The following SGMS2 variants were observed in gnomAD, a reference collection of about 807,000 sequenced individuals.
The protein encoded by SGMS2 is sphingomyelin synthase 2.
Under a neutral mutation model 43.8 loss-of-function variants are expected in SGMS2, and 21 were observed. That is an observed-to-expected ratio of 0.48 (90% CI 0.34 to 0.69). SGMS2 has a LOEUF of 0.69. Among genes scored for constraint, SGMS2 ranks in the 30% least tolerant of loss-of-function variants. SGMS2 has a pLI of 0.01. For synonymous variants in SGMS2, 167 were observed against 160.6 expected, an observed-to-expected ratio of 1.04 and a Z score of -0.30; for missense variants, 384 against 443.2, an observed-to-expected ratio of 0.87 and a Z score of 1.20.
intron 4 of SGMS2, 77 bp from the exon 5 acceptor site, chr4:107,903,156 T>A (rs1186152102): frequency 7.0e-7 from 1 of 1,418,594 alleles, no homozygotes; most frequent in East Asian, 2.3e-5. Context: ...GTGTCCTTTC[T>A]AAGAGTCACA....
intron 4 of SGMS2, among the ~76,000 whole-genome samples, chr4:107,902,938 G>A (rs763139753): frequency 3.3e-5 from 5 of 151,998 alleles, no homozygotes; most frequent in African/African-American, 9.7e-5. Context: ...TTTTTAGCAC[G>A]TAGCTGTGGT....
At chr4:107,843,010 A>G (rs1005737873) in intron 1 of SGMS2, among the ~76,000 whole-genome samples, 4 of 152,168 alleles carry the variant, frequency 2.6e-5, no homozygotes. Flanking sequence ...TTTTTGCCCC[A>G]TTTGCACAAG....
chr4:107,844,420 G>A (rs754498834), intron 1 of SGMS2, among the ~76,000 whole-genome samples: 14 of 150,258 alleles, frequency 9.3e-5, no homozygotes, highest in East Asian at 2.0e-4. Context: ...AAAAAGTGTC[G>A]GATGGACATG....
At chr4:107,847,960 T>C (rs1344619138) in intron 1 of SGMS2, among the ~76,000 whole-genome samples, 1 of 152,122 alleles carries the variant, frequency 6.6e-6, no homozygotes, top group African/African-American at 2.4e-5. Flanking sequence ...GAGTTCACTT[T>C]TTATATTGTA....
chr4:107,871,296 A>G (rs1728541497), intron 2 of SGMS2, among the ~76,000 whole-genome samples: 1 of 152,164 alleles, frequency 6.6e-6, no homozygotes. Context: ...CTGTTAAGTT[A>G]TATATAACCA....
At chr4:107,890,493 G>A (rs1205748323) in intron 2 of SGMS2, among the ~76,000 whole-genome samples, 1 of 152,066 alleles carries the variant, frequency 6.6e-6, no homozygotes, top group Non-Finnish European at 1.5e-5. Context: ...TGGCCAACAT[G>A]GTGAAACGTC....
At chr4:107,896,164 T>C (rs942115241) in intron 3 of SGMS2, among the ~76,000 whole-genome samples, 156 bp downstream of exon 3, 9 of 152,206 alleles carry the variant, frequency 5.9e-5, no homozygotes, top group Non-Finnish European at 1.2e-4. Context: ...CCACATTGAA[T>C]AAATTCAGTC....
intron 2 of SGMS2, among the ~76,000 whole-genome samples, chr4:107,878,693 T>C (rs1208191055): frequency 6.6e-6 from 1 of 152,186 alleles, no homozygotes; most frequent in Non-Finnish European, 1.5e-5. Context: ...TGTGACTCCA[T>C]CTTCTTTTAA....
intron 2 of SGMS2, among the ~76,000 whole-genome samples, chr4:107,877,826 T>C (rs1303455741): frequency 6.6e-6 from 1 of 151,952 alleles, no homozygotes; most frequent in African/African-American, 2.4e-5. Context: ...AGGCCATGGG[T>C]ATGTCATACT....
In SGMS2 at chr4:107,911,640, T is replaced by C. The variant is rs934444969; in HGVS notation, c.*1087T>C. The C allele has an allele frequency of 6.6e-6, 1 of 152,246 alleles. No individual in the cohort carries two copies. The highest frequency in any genetic ancestry group is 2.4e-5 in the African/African-American group (1 of 41,466). The allele number at this position is 152,246 out of a possible 1,614,324, so 9.4% of individuals were successfully genotyped here. ...TTTTAGCAAGAGACTCAGTTTCTTA[T>C]AACTAGTCCTAAGGACATATGCCGC... On this transcript the variant is annotated 3_prime_UTR_variant, in exon 7 of 7. Transcript: ENST00000690982.
rs1451006128 is a variant in SGMS2 at position 107,893,366 on chromosome 4, TGATTTGGCAAGATGCTGTAAGTG to T, written c.-244-1939_-244-1917del. 7.2e-5 allele frequency: 11 copies of T among 152,276 alleles called. No homozygotes were observed. In the South Asian group the frequency reaches 1.0e-3, roughly 14 times the overall value. The allele number at this position is 152,276 out of a possible 1,614,324, so 9.4% of individuals were successfully genotyped here. ...GTAAAGTTGAAGGGAATTTGGATGA[TGATTTGGCAAGATGCTGTAAGTG>T]GATTAGGCAAGGCTGCTAAAGAGAG... On this transcript the variant is annotated intron_variant, in intron 2 of 6. Coordinates refer to ENST00000690982, the MANE Select transcript of SGMS2 (RefSeq NM_001375905.1).
At chr4:107,887,260 C>T (rs974777048) in intron 2 of SGMS2, among the ~76,000 whole-genome samples, 4 of 152,064 alleles carry the variant, frequency 2.6e-5, no homozygotes, top group African/African-American at 9.7e-5. Context: ...GATTATAAAA[C>T]CACCTTCTAA....
At position 107,908,648 on chromosome 4, in the gene SGMS2, G is replaced by A. The variant is rs556597938; in HGVS notation, c.811G>A (p.Glu271Lys). The A allele has an allele frequency of 2.1e-5, 34 of 1,613,926 alleles. No individual in the cohort carries two copies. The South Asian group carries it at 2.9e-4, about 14-fold the overall frequency. The change falls in exon 6 of 7, where the codon GAA becomes AAA. Residue 271 changes from glutamate (E) to lysine (K), a missense_variant. Coordinates refer to ENST00000690982, the MANE Select transcript of SGMS2 (RefSeq NM_001375905.1). ...AGIICILVAH[E>K]HYTIDVIIAY... ...GATCATCTGCATTCTTGTAGCACAC[G>A]AACACTACACTATCGATGTGATCAT...
chr4:107,896,080 AT>A, intron 3 of SGMS2, 72 bp downstream of exon 3: 1 of 1,405,024 alleles, frequency 7.1e-7, no homozygotes. Flanking sequence ...TATTGAGATT[AT>A]TTTTCCTTTT....
intron 1 of SGMS2, among the ~76,000 whole-genome samples, chr4:107,830,000 T>C (rs1266886879): frequency 6.6e-6 from 1 of 152,140 alleles, no homozygotes; most frequent in African/African-American, 2.4e-5. Flanking sequence ...TAGTACCTGA[T>C]AGGTAGTTTT....
chr4:107,888,335 A>T (rs907617177), intron 2 of SGMS2, among the ~76,000 whole-genome samples: 5 of 151,722 alleles, frequency 3.3e-5, no homozygotes, highest in Non-Finnish European at 5.9e-5. Flanking sequence ...ACCTTAATTT[A>T]AAAAAAAACT....
intron 1 of SGMS2, among the ~76,000 whole-genome samples, chr4:107,833,977 T>A (rs891710106): frequency 9.9e-5 from 15 of 152,214 alleles, no homozygotes; most frequent in Non-Finnish European, 2.2e-4. Flanking sequence ...GAATGAGCTC[T>A]CCCGTGGAGC....
At chr4:107,831,097 A>G (rs2125985253) in intron 1 of SGMS2, among the ~76,000 whole-genome samples, 1 of 152,348 alleles carries the variant, frequency 6.6e-6, no homozygotes, top group Non-Finnish European at 1.5e-5. Flanking sequence ...AAGTACCCTT[A>G]AAGTAGCCAA....
intron 2 of SGMS2, among the ~76,000 whole-genome samples, chr4:107,891,105 T>C (rs1730177815): frequency 8.2e-6 from 1 of 122,500 alleles, no homozygotes; most frequent in Admixed American, 8.6e-5. Flanking sequence ...TTTTCTTTTT[T>C]TTTCCTTTTT....
Sources: allele counts gnomAD v4.1 joint callset (sites outside exome capture counted in the v4.1 genomes callset), GRCh38; gene constraint gnomAD v4.1.1; transcripts MANE v1.5; gene names NCBI Gene and HGNC (gene_info 2026-07-23, HGNC 2026-07-21).